The following HABP2 variants were observed in gnomAD, a reference collection of about 807,000 sequenced individuals.
HABP2 encodes factor VII-activating protease.
A neutral mutation model predicts 66.5 loss-of-function variants in HABP2; 65 were observed. That is an observed-to-expected ratio of 0.98 (90% CI 0.80 to 1.20). The LOEUF is 1.20. Ranked by LOEUF, HABP2 falls within the 50% of genes most tolerant of loss-of-function variation. The pLI, the probability that HABP2 is intolerant of heterozygous loss-of-function variation, is 0.00. For synonymous variants in HABP2, 263 were observed against 253.9 expected, an observed-to-expected ratio of 1.04 and a Z score of -0.34; for missense variants, 786 against 691.0, an observed-to-expected ratio of 1.14 and a Z score of -1.54.
chr10:113,561,490 T>A (rs759084705), intron 1 of HABP2, among the ~76,000 whole-genome samples: 35 of 152,138 alleles, frequency 2.3e-4, no homozygotes, highest in Non-Finnish European at 4.0e-4. Context: ...TACAGAGGTC[T>A]CTCCTCCCCA....
In HABP2 at chr10:113,588,308, C is replaced by A; in HGVS notation, c.1622C>A (p.Thr541Asn). 6.2e-7 allele frequency: 1 copy of A among 1,613,702 alleles called. No homozygotes were observed. Among genetic ancestry groups the A allele is most frequent in the South Asian group, 1.1e-5 (1 of 91,006 alleles). The change falls in exon 13 of 13, where the codon ACC becomes AAC. Residue 541 changes from threonine (T) to asparagine (N), a missense_variant. By Grantham distance (65) the Thr-to-Asn change is moderately conservative. Transcript: ENST00000351270. ...LECGKRPGVY[T>N]QVTKFLNWIK... Reference sequence around the variant, plus strand: ...TGTGGGAAGAGGCCAGGGGTCTACACCCAAGTTACCAAATTCCTGAATTGG... The same window carrying A: ...TGTGGGAAGAGGCCAGGGGTCTACAACCAAGTTACCAAATTCCTGAATTGG...
chr10:113,555,740 C>G (rs1452474706), intron 1 of HABP2, among the ~76,000 whole-genome samples: 2 of 152,172 alleles, frequency 1.3e-5, no homozygotes, highest in Non-Finnish European at 2.9e-5. Context: ...CCAGCACAAC[C>G]TCATATCATT....
At chr10:113,559,112 C>G (rs914794980) in intron 1 of HABP2, among the ~76,000 whole-genome samples, 1 of 152,208 alleles carries the variant, frequency 6.6e-6, no homozygotes, top group African/African-American at 2.4e-5. Flanking sequence ...GCCCTGGCCT[C>G]CCAAAGTGCT....
chr10:113,555,389 G>A (rs1035221631), intron 1 of HABP2, among the ~76,000 whole-genome samples: 11 of 152,146 alleles, frequency 7.2e-5, no homozygotes, highest in African/African-American at 2.7e-4. Context: ...CAGGGACATG[G>A]CTTTTCCTGT....
chr10:113,557,324 G>A (rs1367846827), intron 1 of HABP2, among the ~76,000 whole-genome samples: 3 of 152,022 alleles, frequency 2.0e-5, no homozygotes, highest in Non-Finnish European at 4.4e-5. Flanking sequence ...CTGATCTGAA[G>A]CACAAATCCA....
chr10:113,560,746 C>G (rs1265862687), intron 1 of HABP2, among the ~76,000 whole-genome samples: 1 of 152,178 alleles, frequency 6.6e-6, no homozygotes, highest in African/African-American at 2.4e-5. Context: ...ACACGATGCA[C>G]AGTGAAATAA....
chr10:113,566,788 C>G (rs576900696), intron 1 of HABP2, among the ~76,000 whole-genome samples: 1 of 152,216 alleles, frequency 6.6e-6, no homozygotes, highest in South Asian at 2.1e-4. Context: ...CAGGCAGAGG[C>G]AACAATAATT....
intron 1 of HABP2, among the ~76,000 whole-genome samples, chr10:113,566,127 A>T (rs983356935): frequency 3.3e-4 from 51 of 152,378 alleles, no homozygotes; most frequent in African/African-American, 1.1e-3. Context: ...GCCTAGCTTG[A>T]TGTATCTCAT....
chr10:113,572,881 A>C, intron 2 of HABP2: 1 of 260,012 alleles, frequency 3.8e-6, no homozygotes, highest in Non-Finnish European at 7.8e-6. Context: ...AAGAAATAAA[A>C]AGCTAGTTCC....
At chr10:113,568,653 T>G (rs550722245) in intron 2 of HABP2, among the ~76,000 whole-genome samples, 1 of 152,184 alleles carries the variant, frequency 6.6e-6, no homozygotes, top group Non-Finnish European at 1.5e-5. Flanking sequence ...CCCTAGCTGA[T>G]GAACACACCA....
intron 4 of HABP2, 117 bp from the exon 5 acceptor site, chr10:113,577,033 C>T: frequency 1.4e-6 from 1 of 710,886 alleles, no homozygotes; most frequent in South Asian, 1.7e-5. Context: ...TGTTTCAGGA[C>T]CACGGACAAG....
intron 2 of HABP2, among the ~76,000 whole-genome samples, chr10:113,569,442 C>T (rs943999708): frequency 2.0e-5 from 3 of 152,234 alleles, no homozygotes; most frequent in Non-Finnish European, 4.4e-5. Context: ...TATTTGTCAG[C>T]TCCCTGCTGG....
chr10:113,580,643 T>A lies in HABP2; in HGVS notation c.789T>A (p.Asn263Lys). ...CCTGGTGCTTTATTAAAGTTACCAA[T>A]GACAAGGTGAAATGGGAATACTGTG... ...EKPWCFIKVT[N>K]DKVKWEYCDV... The change falls in exon 8 of 13, where the codon AAT becomes AAA. Residue 263 changes from asparagine to lysine, a missense_variant. By Grantham distance (94) the Asn-to-Lys change is moderately conservative (BLOSUM62 0). Transcript: ENST00000351270. 2 of 1,605,458 alleles carry A rather than the reference T, an allele frequency of 1.2e-6. No homozygotes were observed. Among genetic ancestry groups the A allele is most frequent in the African/African-American group, 1.3e-5 (1 of 74,808 alleles).
chr10:113,571,202 T>C (rs1366371190), intron 2 of HABP2, among the ~76,000 whole-genome samples: 1 of 152,222 alleles, frequency 6.6e-6, no homozygotes, highest in Non-Finnish European at 1.5e-5. Context: ...CTGGGCTGCA[T>C]CGGGCTCAGT....
chr10:113,558,791 G>A (rs1444717630), intron 1 of HABP2, among the ~76,000 whole-genome samples: 1 of 152,144 alleles, frequency 6.6e-6, no homozygotes, highest in Non-Finnish European at 1.5e-5. Context: ...GGGAAACATG[G>A]GGGCTTGTGC....
At chr10:113,582,632 G>C (rs1845562003) in intron 9 of HABP2, among the ~76,000 whole-genome samples, 1 of 152,198 alleles carries the variant, frequency 6.6e-6, no homozygotes, top group African/African-American at 2.4e-5. Flanking sequence ...GCCCTGAATA[G>C]AGGAAAGCAT....
chr10:113,570,068 C>T (rs547640983), intron 2 of HABP2: 2 of 152,346 alleles, frequency 1.3e-5, no homozygotes, highest in South Asian at 2.1e-4. Context: ...ATGCTACTTC[C>T]TGAAAGCTAA....
intron 1 of HABP2, among the ~76,000 whole-genome samples, chr10:113,562,441 CTTTTTT>C (rs11396673): frequency 3.3e-5 from 4 of 121,682 alleles, no homozygotes; most frequent in African/African-American, 1.3e-4. Flanking sequence ...ATTGGATAAG[CTTTTTT>C]TTTTTTTTTT....
At chr10:113,559,373 C>T (rs985758569) in intron 1 of HABP2, among the ~76,000 whole-genome samples, 2 of 152,180 alleles carry the variant, frequency 1.3e-5, no homozygotes, top group Non-Finnish European at 2.9e-5. Context: ...TCCTGAGCAG[C>T]CAAAGTTCCT....
Sources: gnomAD v4.1 joint callset for allele counts (sites outside exome capture counted in the v4.1 genomes callset) on GRCh38, gnomAD v4.1.1 for gene constraint, MANE v1.5 for transcripts, NCBI Gene and HGNC (gene_info 2026-07-23, HGNC 2026-07-21) for gene names.